ADAM22: variants seen among roughly 807,000 people sequenced by gnomAD.
ADAM22 encodes ADAM metallopeptidase domain 22.
ADAM22 carries 65 observed loss-of-function variants against 144.6 expected under a neutral mutation model. The ratio of observed to expected loss-of-function variants is 0.45; its 90% confidence interval spans 0.37 to 0.55. The LOEUF is 0.55. ADAM22 is among the 20% of genes least tolerant of loss of function. ADAM22 has a pLI of 0.00. For synonymous variants in ADAM22, 391 were observed against 412.6 expected (o/e 0.95, Z 0.63); for missense variants, 974 against 1,184.9 (o/e 0.82, Z 2.61).
At chr7:88,059,845 A>G (rs1012937146) in intron 3 of ADAM22, among the ~76,000 whole-genome samples, 6 of 152,312 alleles carry the variant, frequency 3.9e-5, no homozygotes, top group African/African-American at 1.2e-4. Flanking sequence ...GATAGAAACA[A>G]TAGACACTAG....
At chr7:88,112,137 C>T (rs567123914) in intron 5 of ADAM22, among the ~76,000 whole-genome samples, 26 of 152,292 alleles carry the variant, frequency 1.7e-4, no homozygotes, top group African/African-American at 6.0e-4. Flanking sequence ...TTTTGAAAGG[C>T]TCCCCCTCTG....
At chr7:88,155,631 T>A (rs1331005154) in intron 21 of ADAM22, among the ~76,000 whole-genome samples, 2 of 152,124 alleles carry the variant, frequency 1.3e-5, no homozygotes, top group African/African-American at 4.8e-5. Context: ...GATGGATTCT[T>A]TAAATACTTG....
At chr7:88,174,618 A>G (rs919996813) in intron 26 of ADAM22, among the ~76,000 whole-genome samples, 2 of 152,196 alleles carry the variant, frequency 1.3e-5, no homozygotes, top group Non-Finnish European at 2.9e-5. Flanking sequence ...GCAAATAGCA[A>G]TAGAATAAGA....
intron 3 of ADAM22, among the ~76,000 whole-genome samples, chr7:88,071,455 A>G (rs1812788618): frequency 6.9e-6 from 1 of 145,008 alleles, no homozygotes; most frequent in Admixed American, 7.0e-5. Context: ...GTTGATCAAG[A>G]TTAAGCAGCT....
Position 88,108,228 on chromosome 7 carries a change from T to C in ADAM22, c.443T>C (p.Phe148Ser), listed in dbSNP as rs777799188. Residue 148 changes from phenylalanine to serine, a missense_variant, in exon 5 of 32, where the codon TTT (phenylalanine) becomes TCT (serine). Coordinates refer to ENST00000413139, the MANE Select transcript of ADAM22 (RefSeq NM_001324418.2). ...CATATCCGAGGAAACCCTGACTCAT[T>C]TGTTGCATTGTCAACATGCCACGGA... ...QGHIRGNPDS[F>S]VALSTCHGLH... 11 of 1,613,732 alleles carry C rather than the reference T, an allele frequency of 6.8e-6. 1 individual carries two copies. The Middle Eastern group carries it at 6.6e-4, about 97-fold the overall frequency.
intron 3 of ADAM22, among the ~76,000 whole-genome samples, chr7:88,048,379 C>T (rs115677356): frequency 0.033 from 5,068 of 152,080 alleles, 291 homozygotes; most frequent in African/African-American, 0.12. Flanking sequence ...TTAGGAGAGG[C>T]ATTTTGGTGA....
intron 2 of ADAM22, among the ~76,000 whole-genome samples, chr7:87,970,465 A>G (rs1850174818): frequency 2.0e-5 from 3 of 152,118 alleles, no homozygotes; most frequent in African/African-American, 7.2e-5. Flanking sequence ...TTCCCACCCC[A>G]TTGGTAAACA....
chr7:88,010,091 C>T lies in ADAM22; in HGVS notation c.323+31679C>T, dbSNP rs566894642. On this transcript the variant is annotated intron_variant, in intron 3 of 31. Transcript: ENST00000413139. ...ATATTGCTAGGGTCTCTCTATAGAA[C>T]TTGTAAGGGAACTGTCCTTGGAAGA... is the stretch of plus-strand genomic sequence containing the variant. 5.9e-5 allele frequency among the ~76,000 whole-genome samples: 9 copies of T among 151,306 alleles called. No individual in the cohort carries two copies. In the South Asian group the frequency reaches 1.0e-3, roughly 18 times the overall value.
rs187480522 is a variant in ADAM22 at position 88,064,375 on chromosome 7, C to T, written c.324-11251C>T. On this transcript the variant is annotated intron_variant, in intron 3 of 31. Transcript: ENST00000413139. ...GTCTATAACACTTAGTACTACTAAC[C>T]GCATACCCTTGAGTAAATTACCTTT... Among the ~76,000 whole-genome samples, 325 of 152,198 alleles carry T rather than the reference C, an allele frequency of 2.1e-3. 10 individuals carry two copies. Among genetic ancestry groups the T allele is most frequent in the Admixed American group, 0.017 (266 of 15,280 alleles).
Position 88,108,172 on chromosome 7 carries a change from T to A in ADAM22, c.391-4T>A, listed in dbSNP as rs776297227. ...AGACTTACATTCTTTATTTCTGTTT[T>A]CAGGGAGGAGAGCACTGTTACTACC... On this transcript the variant is annotated splice_region_variant and splice_polypyrimidine_tract_variant and intron_variant, in intron 4 of 31. Transcript: ENST00000413139. 1.2e-6 allele frequency: 2 copies of A among 1,609,858 alleles called. No homozygotes were observed. Among genetic ancestry groups the A allele is most frequent in the Non-Finnish European group, 1.7e-6 (2 of 1,178,670 alleles).
At chr7:87,966,610 G>A (rs1426850951) in intron 2 of ADAM22, among the ~76,000 whole-genome samples, 1 of 151,818 alleles carries the variant, frequency 6.6e-6, no homozygotes, top group African/African-American at 2.4e-5. Flanking sequence ...GACCACCTTG[G>A]CAGCCAGGGA....
At chr7:87,939,760 C>G (rs1284563310) in intron 2 of ADAM22, among the ~76,000 whole-genome samples, 2 of 152,036 alleles carry the variant, frequency 1.3e-5, no homozygotes, top group Non-Finnish European at 2.9e-5. Context: ...GCCTTAATTA[C>G]CTGAGTTTAA....
chr7:87,957,413 A>G (rs569499028), intron 2 of ADAM22, among the ~76,000 whole-genome samples: 2 of 152,186 alleles, frequency 1.3e-5, no homozygotes, highest in Non-Finnish European at 2.9e-5. Flanking sequence ...ACACCCTTGT[A>G]CATACCACCC....
chr7:87,942,282 T>C (rs763153519), intron 2 of ADAM22, among the ~76,000 whole-genome samples: 1 of 152,244 alleles, frequency 6.6e-6, no homozygotes, highest in African/African-American at 2.4e-5. Flanking sequence ...CTTACATGGC[T>C]ACCTTTTATG....
chr7:88,137,316 TG>T (rs1414781434), intron 14 of ADAM22, among the ~76,000 whole-genome samples: 1 of 152,236 alleles, frequency 6.6e-6, no homozygotes, highest in African/African-American at 2.4e-5. Context: ...CTAAAGAATG[TG>T]GTTCATAATC....
At position 87,934,559 on chromosome 7, in the gene ADAM22, G is replaced by A. The variant is rs148253397; in HGVS notation, c.85+9G>A. On this transcript the variant is annotated intron_variant, in intron 1 of 31. Coordinates refer to ENST00000413139, the MANE Select transcript of ADAM22 (RefSeq NM_001324418.2). ...GCGCTGCGGCCAGGCAGGTAAGTTA[G>A]CCGTCCTCTGTGCCTTTGGGCCATA... is the stretch of plus-strand genomic sequence containing the variant. The A allele has an allele frequency of 1.8e-3, 2,881 of 1,604,206 alleles. 49 individuals are homozygous for A. In the East Asian group the frequency reaches 0.038, roughly 21 times the overall value.
intron 3 of ADAM22, among the ~76,000 whole-genome samples, chr7:87,987,359 A>G (rs1352115901): frequency 6.6e-6 from 1 of 151,884 alleles, no homozygotes. Context: ...TTGTATTTTT[A>G]ATAGAGACAG....
intron 26 of ADAM22, among the ~76,000 whole-genome samples, chr7:88,175,441 C>T (rs1355456289): frequency 2.0e-5 from 3 of 151,868 alleles, no homozygotes; most frequent in Non-Finnish European, 2.9e-5. Context: ...TGGGATGTAT[C>T]GATTCAAAAC....
intron 4 of ADAM22, among the ~76,000 whole-genome samples, chr7:88,100,689 A>T (rs1478752289): frequency 6.6e-6 from 1 of 151,976 alleles, no homozygotes; most frequent in Admixed American, 6.6e-5. Flanking sequence ...TTCTTATTTT[A>T]ATTTGTATTA....
Sources: allele counts gnomAD v4.1 joint callset (sites outside exome capture counted in the v4.1 genomes callset), GRCh38; gene constraint gnomAD v4.1.1; transcripts MANE v1.5; gene names NCBI Gene and HGNC (gene_info 2026-07-23, HGNC 2026-07-21).